The following ADAMTS12 variants were observed in gnomAD, a reference collection of about 807,000 sequenced individuals.
ADAMTS12 encodes the protein A disintegrin and metalloproteinase with thrombospondin motifs 12.
ADAMTS12 carries 118 observed loss-of-function variants against 167.8 expected under a neutral mutation model. The ratio of observed to expected loss-of-function variants is 0.70; its 90% CI spans 0.61 to 0.82. ADAMTS12 has a LOEUF of 0.82. Ranked by LOEUF, ADAMTS12 falls within the 40% of genes least tolerant of loss-of-function variation. The pLI, the probability that ADAMTS12 is intolerant of heterozygous loss-of-function variation, is 0.00. For missense variants in ADAMTS12, 1,916 were observed against 1,998.8 expected (o/e 0.96, Z 0.79); for synonymous variants, 704 against 716.9 (o/e 0.98, Z 0.29).
At chr5:33,615,333 G>A (rs527362881) in intron 15 of ADAMTS12, among the ~76,000 whole-genome samples, 3 of 152,204 alleles carry the variant, frequency 2.0e-5, no homozygotes, top group South Asian at 2.1e-4. Flanking sequence ...TGCTGCTATC[G>A]GTATATTCAT....
At chr5:33,607,733 A>C (rs1738518950) in intron 16 of ADAMTS12, among the ~76,000 whole-genome samples, 3 of 152,100 alleles carry the variant, frequency 2.0e-5, no homozygotes, top group Admixed American at 2.0e-4. Flanking sequence ...TCACCTCCCT[A>C]GTTAGCCGTA....
At chr5:33,813,839 C>T (rs537181838) in intron 2 of ADAMTS12, among the ~76,000 whole-genome samples, 5 of 152,288 alleles carry the variant, frequency 3.3e-5, no homozygotes, top group African/African-American at 1.2e-4. Flanking sequence ...CATGCTGTGC[C>T]CCCTGAGCTC....
intron 22 of ADAMTS12, among the ~76,000 whole-genome samples, chr5:33,545,213 C>T (rs1744910682): frequency 6.6e-6 from 1 of 152,110 alleles, no homozygotes; most frequent in African/African-American, 2.4e-5. Flanking sequence ...TATGAATAGA[C>T]AGTTCTCAAA....
At chr5:33,740,953 T>A (rs1744551606) in intron 3 of ADAMTS12, among the ~76,000 whole-genome samples, 1 of 152,156 alleles carries the variant, frequency 6.6e-6, no homozygotes, top group Non-Finnish European at 1.5e-5. Context: ...ATTCAAATAT[T>A]AAAAACACTA....
At chr5:33,751,821 C>G (rs552913515) in intron 2 of ADAMTS12, among the ~76,000 whole-genome samples, 1 of 152,308 alleles carries the variant, frequency 6.6e-6, no homozygotes, top group South Asian at 2.1e-4. Context: ...ATGTAGCCTA[C>G]AATTCTTTAG....
At chr5:33,604,385 C>T (rs1327528819) in intron 16 of ADAMTS12, among the ~76,000 whole-genome samples, 1 of 152,036 alleles carries the variant, frequency 6.6e-6, no homozygotes, top group Non-Finnish European at 1.5e-5. Context: ...CCTGTAATCC[C>T]AGCTACTGGG....
intron 19 of ADAMTS12, among the ~76,000 whole-genome samples, chr5:33,570,525 C>A (rs1196216461): frequency 2.0e-5 from 3 of 152,028 alleles, no homozygotes; most frequent in African/African-American, 4.8e-5. Flanking sequence ...GAAATAAAAT[C>A]CTTTACAGAC....
chr5:33,639,066 C>T (rs1561187867), intron 11 of ADAMTS12, among the ~76,000 whole-genome samples: 1 of 152,108 alleles, frequency 6.6e-6, no homozygotes, highest in Non-Finnish European at 1.5e-5. Flanking sequence ...GAATAAGTTA[C>T]CTCATTTCTC....
intron 19 of ADAMTS12, among the ~76,000 whole-genome samples, chr5:33,568,457 T>C (rs1000389429): frequency 1.3e-5 from 2 of 152,202 alleles, no homozygotes; most frequent in African/African-American, 4.8e-5. Context: ...TATAGTTAAA[T>C]TGTCAATTGG....
chr5:33,688,860 G>A (rs1742449255), intron 3 of ADAMTS12, among the ~76,000 whole-genome samples: 1 of 152,002 alleles, frequency 6.6e-6, no homozygotes, highest in South Asian at 2.1e-4. Context: ...ATTTCCAACA[G>A]AGAAGGATTT....
rs568549183 is a variant in ADAMTS12, at chr5:33,736,002, T to C, written c.634+15402A>G. Among the ~76,000 whole-genome samples, 7 of 152,124 alleles carry C rather than the reference T, an allele frequency of 4.6e-5. No individual in the cohort carries two copies. In the South Asian group the frequency reaches 1.0e-3, roughly 23 times the overall value. On this transcript the variant is annotated intron_variant, in intron 3 of 23. Coordinates refer to ENST00000504830, the MANE Select transcript of ADAMTS12 (RefSeq NM_030955.4). ...GAGAATAAAGGATTCTTAGAGCTTT[T>C]AAAATGGTAATGATGATAATAAAGG...
chr5:33,543,966 C>G (rs1250945961), intron 22 of ADAMTS12, among the ~76,000 whole-genome samples: 1 of 152,148 alleles, frequency 6.6e-6, no homozygotes, highest in African/African-American at 2.4e-5. Context: ...CAGGGATGCC[C>G]TCTCTCACCA....
At chr5:33,839,816 C>G (rs922315374) in intron 2 of ADAMTS12, among the ~76,000 whole-genome samples, 5 of 152,170 alleles carry the variant, frequency 3.3e-5, no homozygotes, top group Admixed American at 1.3e-4. Context: ...TTTGTCCGTG[C>G]TATCATTTTT....
intron 2 of ADAMTS12, among the ~76,000 whole-genome samples, chr5:33,769,374 C>G (rs995666554): frequency 6.6e-6 from 1 of 152,106 alleles, no homozygotes; most frequent in South Asian, 2.1e-4. Context: ...CCGTGCCAAC[C>G]AGAATTGGGT....
At chr5:33,631,052 T>A in intron 12 of ADAMTS12, 139 bp from the exon 13 acceptor site, 2 of 927,308 alleles carry the variant, frequency 2.2e-6, no homozygotes, top group South Asian at 3.9e-5. Flanking sequence ...AGACACATGC[T>A]GAAATATGCC....
chr5:33,609,450 A>G (rs1427166902), intron 16 of ADAMTS12, among the ~76,000 whole-genome samples: 2 of 149,390 alleles, frequency 1.3e-5, no homozygotes, highest in African/African-American at 5.0e-5. Flanking sequence ...GGCTCACTGC[A>G]GCCTCAACCT....
At chr5:33,736,764 A>G (rs1230550113) in intron 3 of ADAMTS12, among the ~76,000 whole-genome samples, 3 of 152,220 alleles carry the variant, frequency 2.0e-5, no homozygotes, top group Non-Finnish European at 2.9e-5. Flanking sequence ...AGCATGACTC[A>G]GAACCGGTCT....
intron 3 of ADAMTS12, among the ~76,000 whole-genome samples, chr5:33,744,399 A>C (rs1744707149): frequency 6.6e-6 from 1 of 152,228 alleles, no homozygotes; most frequent in South Asian, 2.1e-4. Flanking sequence ...GGATGGCACC[A>C]GGCTATATTT....
intron 3 of ADAMTS12, among the ~76,000 whole-genome samples, chr5:33,684,866 C>T (rs930834891): frequency 2.0e-5 from 3 of 152,174 alleles, no homozygotes; most frequent in African/African-American, 7.2e-5. Flanking sequence ...TCCCAGAATA[C>T]TGTAAGTAGG....
Sources: gnomAD v4.1 joint callset for allele counts (sites outside exome capture counted in the v4.1 genomes callset) on GRCh38, gnomAD v4.1.1 for gene constraint, MANE v1.5 for transcripts, NCBI Gene and HGNC (gene_info 2026-07-23, HGNC 2026-07-21) for gene names.